DLG1: variants seen among roughly 807,000 people sequenced by gnomAD.
The protein encoded by DLG1 is disks large homolog 1.
In DLG1, 42 loss-of-function variants were observed where a neutral mutation model predicts 123.4. The observed-to-expected ratio is 0.34, with a 90% CI of 0.27 to 0.44. DLG1 has a LOEUF of 0.44. DLG1 is among the 20% of genes least tolerant of loss of function. DLG1 has a pLI of 1.00. For missense variants in DLG1, 942 were observed against 1,082.6 expected, an observed-to-expected ratio of 0.87 and a Z score of 1.82; for synonymous variants, 317 against 356.2, an observed-to-expected ratio of 0.89 and a Z score of 1.24.
chr3:197,269,726 G>A (rs1480282815), intron 4 of DLG1, among the ~76,000 whole-genome samples: 3 of 152,186 alleles, frequency 2.0e-5, no homozygotes, highest in Non-Finnish European at 4.4e-5. Context: ...CCTCGTGTAT[G>A]TTAGGAGGCT....
chr3:197,064,381 C>T (rs902799719), intron 22 of DLG1, among the ~76,000 whole-genome samples: 7 of 149,694 alleles, frequency 4.7e-5, no homozygotes, highest in South Asian at 2.1e-4. Context: ...TTAGTAGAGA[C>T]GGGGTTTCAC....
intron 5 of DLG1, among the ~76,000 whole-genome samples, chr3:197,180,377 T>C (rs1561285802): frequency 6.6e-6 from 1 of 152,024 alleles, no homozygotes; most frequent in Admixed American, 6.6e-5. Context: ...CGGGGCCGAT[T>C]ATTGAGTGAC....
At chr3:197,144,203 A>T (rs1355736628) in intron 6 of DLG1, among the ~76,000 whole-genome samples, 1 of 152,210 alleles carries the variant, frequency 6.6e-6, no homozygotes, top group Non-Finnish European at 1.5e-5. Flanking sequence ...TGTGGCACAA[A>T]TGATGCTGTG....
intron 4 of DLG1, among the ~76,000 whole-genome samples, chr3:197,278,072 G>T (rs529660225): frequency 6.6e-6 from 1 of 151,880 alleles, no homozygotes; most frequent in Admixed American, 6.6e-5. Context: ...ATCACCTGAG[G>T]TCAAGAGTTT....
At chr3:197,081,194 A>G in intron 16 of DLG1, 77 bp from the exon 17 acceptor site, 1 of 1,347,974 alleles carries the variant, frequency 7.4e-7, no homozygotes, top group Non-Finnish European at 1.0e-6. Flanking sequence ...CAGAATTGTT[A>G]TCTTTATAAT....
intron 5 of DLG1, among the ~76,000 whole-genome samples, chr3:197,173,482 A>C (rs1354500462): frequency 6.6e-6 from 1 of 152,238 alleles, no homozygotes; most frequent in Non-Finnish European, 1.5e-5. Flanking sequence ...ATATGGCAGA[A>C]TATAAATTTA....
At chr3:197,255,741 T>C (rs554615645) in intron 4 of DLG1, among the ~76,000 whole-genome samples, 7 of 151,102 alleles carry the variant, frequency 4.6e-5, no homozygotes, top group Admixed American at 4.0e-4. Flanking sequence ...TCCATTTATA[T>C]GACGTTCAAA....
intron 5 of DLG1, among the ~76,000 whole-genome samples, chr3:197,173,330 A>C (rs879347043): frequency 7.2e-5 from 11 of 152,194 alleles, no homozygotes; most frequent in African/African-American, 2.4e-5. Flanking sequence ...GATGTAATTA[A>C]TGTATTATAA....
chr3:197,285,457 GGAAAAGAGAAT>G (rs1446841188), intron 3 of DLG1, among the ~76,000 whole-genome samples: 2 of 151,766 alleles, frequency 1.3e-5, no homozygotes, highest in Non-Finnish European at 2.9e-5. Flanking sequence ...TATTTGATGG[GGAAAAGAGAAT>G]GAAAAGATAA....
chr3:197,094,126 CAAG>C (rs1448775578), intron 14 of DLG1, among the ~76,000 whole-genome samples: 1 of 152,166 alleles, frequency 6.6e-6, no homozygotes, highest in Non-Finnish European at 1.5e-5. Context: ...ACACATAAGA[CAAG>C]GAGAGCAAAG....
chr3:197,245,963 A>G (rs1751539695), intron 4 of DLG1, among the ~76,000 whole-genome samples: 1 of 150,774 alleles, frequency 6.6e-6, no homozygotes, highest in Non-Finnish European at 1.5e-5. Flanking sequence ...AACTGTGGAC[A>G]AGGTCTTGGC....
At chr3:197,276,137 AT>A (rs1766311313) in intron 4 of DLG1, among the ~76,000 whole-genome samples, 1 of 152,200 alleles carries the variant, frequency 6.6e-6, no homozygotes, top group South Asian at 2.1e-4. Flanking sequence ...GCTTTCACTC[AT>A]TTAATAACAC....
chr3:197,079,482 C>T (rs1749481319), intron 17 of DLG1, among the ~76,000 whole-genome samples: 1 of 152,186 alleles, frequency 6.6e-6, no homozygotes, highest in Non-Finnish European at 1.5e-5. Context: ...TGTTAGAACA[C>T]AGTGACTCTG....
At chr3:197,153,968 G>A (rs1459007441) in intron 5 of DLG1, among the ~76,000 whole-genome samples, 1 of 151,892 alleles carries the variant, frequency 6.6e-6, no homozygotes, top group East Asian at 1.9e-4. Context: ...AAGAATAAGT[G>A]GCTTATTAAA....
intron 4 of DLG1, among the ~76,000 whole-genome samples, chr3:197,263,560 G>GC (rs1760409278): frequency 6.6e-6 from 1 of 152,194 alleles, no homozygotes; most frequent in Non-Finnish European, 1.5e-5. Context: ...GCCAAGGTGG[G>GC]AGAATCACTT....
intron 14 of DLG1, among the ~76,000 whole-genome samples, chr3:197,091,683 T>A (rs1486935969): frequency 1.3e-5 from 2 of 152,112 alleles, no homozygotes; most frequent in African/African-American, 2.4e-5. Context: ...TAAAGCTACA[T>A]ATTAAAAACT....
intron 4 of DLG1, among the ~76,000 whole-genome samples, chr3:197,218,949 T>G (rs976843701): frequency 2.6e-5 from 4 of 152,066 alleles, no homozygotes; most frequent in African/African-American, 9.7e-5. Context: ...CTGACCAACA[T>G]GGAGAAACCC....
At chr3:197,212,535 G>A (rs4916464) in intron 4 of DLG1, among the ~76,000 whole-genome samples, 19,467 of 152,190 alleles carry the variant, frequency 0.13, 1,323 homozygotes, top group Middle Eastern at 0.15. Context: ...GACTTCCAGC[G>A]GCTTGCTGGC....
intron 5 of DLG1, among the ~76,000 whole-genome samples, chr3:197,180,306 A>G (rs1323005414): frequency 2.6e-5 from 4 of 152,142 alleles, no homozygotes; most frequent in Non-Finnish European, 4.4e-5. Context: ...AGTTCTATAA[A>G]ACCCTGCTGA....
Sources: gnomAD v4.1 joint callset for allele counts (sites outside exome capture counted in the v4.1 genomes callset) on GRCh38, gnomAD v4.1.1 for gene constraint, MANE v1.5 for transcripts, NCBI Gene and HGNC (gene_info 2026-07-23, HGNC 2026-07-21) for gene names.